Variants in UROC1 observed in about 807,000 individuals in gnomAD.
The protein encoded by UROC1 is urocanate hydratase.
A neutral mutation model predicts 89.5 loss-of-function variants in UROC1; 79 were observed. The observed-to-expected ratio is 0.88, with a 90% CI of 0.74 to 1.06. The LOEUF is 1.06. Ranked by LOEUF, UROC1 falls within the 50% of genes least tolerant of loss-of-function variation. UROC1 has a pLI of 0.00. For synonymous variants in UROC1, 361 were observed against 354.8 expected, an observed-to-expected ratio of 1.02 and a Z score of -0.20; for missense variants, 885 against 907.8, an observed-to-expected ratio of 0.97 and a Z score of 0.32.
chr3:126,482,093 G>A lies in UROC1; in HGVS notation c.*252C>T. 1.8e-6 allele frequency: 1 copy of A among 571,170 alleles called. No individual in the cohort carries two copies. The highest frequency in any genetic ancestry group is 3.1e-5 in the East Asian group (1 of 32,454). The allele number at this position is 571,170 out of a possible 1,614,324, so 35.4% of individuals were successfully genotyped here. A position where few individuals can be genotyped will look rare whatever the true frequency, so the allele number is the denominator to read the frequency against. On this transcript the variant is annotated 3_prime_UTR_variant, in exon 20 of 20. Coordinates refer to ENST00000290868, the MANE Select transcript of UROC1 (RefSeq NM_144639.3). ...GCAGGCTTGGGACTTGGCCCTAAAT[G>A]GACTTTGACAGCCTTCAGGGCTCCC...
In UROC1 at chr3:126,489,563, C is replaced by T. The variant is rs113983407; in HGVS notation, c.1609-188G>A. Among the ~76,000 whole-genome samples the T allele has an allele frequency of 3.1e-3, 474 of 152,318 alleles. 3 individuals carry two copies. Among genetic ancestry groups the T allele is most frequent in the African/African-American group, 0.011 (448 of 41,570 alleles). The stretch of plus-strand genomic sequence containing the variant: ...AGATTCACGTGTGCCCGGCAGCACT[C>T]GTGTGTAATACATGTGTGAGCTCAC... On this transcript the variant is annotated intron_variant, in intron 16 of 19. Coordinates refer to ENST00000290868, the MANE Select transcript of UROC1 (RefSeq NM_144639.3).
At chr3:126,494,129 C>T (rs1576715461) in intron 15 of UROC1, among the ~76,000 whole-genome samples, 2 of 152,174 alleles carry the variant, frequency 1.3e-5, no homozygotes, top group East Asian at 3.8e-4. Flanking sequence ...TAGGATTGCC[C>T]ACTTTGTCAA....
intron 13 of UROC1, among the ~76,000 whole-genome samples, chr3:126,498,568 A>T (rs1576719698): frequency 6.6e-6 from 1 of 151,968 alleles, no homozygotes; most frequent in African/African-American, 2.4e-5. Flanking sequence ...GCCAGGCTCC[A>T]GGACAGGGCT....
At chr3:126,502,085 T>C (rs1935936361) in intron 9 of UROC1, 16 of 851,380 alleles carry the variant, frequency 1.9e-5, no homozygotes, top group Non-Finnish European at 2.4e-5. Flanking sequence ...TGTGTGTTCA[T>C]GTGTGGATGT....
intron 9 of UROC1, among the ~76,000 whole-genome samples, 160 bp downstream of exon 9, chr3:126,503,835 G>A (rs985040596): frequency 4.6e-5 from 7 of 152,208 alleles, no homozygotes; most frequent in Non-Finnish European, 7.3e-5. Flanking sequence ...GTGTGTGTGC[G>A]CATGTATATG....
chr3:126,514,294 G>C (rs1936253679), intron 1 of UROC1, among the ~76,000 whole-genome samples: 1 of 152,350 alleles, frequency 6.6e-6, no homozygotes, highest in Admixed American at 6.5e-5. Flanking sequence ...CTTCGGATCT[G>C]CTGTTGGATG....
intron 16 of UROC1, among the ~76,000 whole-genome samples, chr3:126,490,428 T>G (rs1245296754): frequency 6.6e-6 from 1 of 152,176 alleles, no homozygotes; most frequent in Non-Finnish European, 1.5e-5. Flanking sequence ...GGCTCATTCT[T>G]GTAATCGTAA....
chr3:126,481,415 C>T lies in UROC1; in HGVS notation c.*930G>A, dbSNP rs535897317. ...GCAGGGAGGGTGGGGACCAAGAACC[C>T]GGCTTGGTCCTGGAGAGGGCAGTGG... On this transcript the variant is annotated 3_prime_UTR_variant, in exon 20 of 20. Transcript: ENST00000290868. 2 of 152,260 alleles carry T rather than the reference C, an allele frequency of 1.3e-5. No individual in the cohort carries two copies. Among genetic ancestry groups the T allele is most frequent in the South Asian group, 2.1e-4 (1 of 4,822 alleles). 9.4% of individuals were successfully genotyped at this position (152,260 alleles called of 1,614,324 possible). A position where few individuals can be genotyped will look rare whatever the true frequency, so the allele number is the denominator to read the frequency against.
chr3:126,488,948 C>T (rs73862714), intron 17 of UROC1, among the ~76,000 whole-genome samples: 21,622 of 152,016 alleles, frequency 0.14, 2,236 homozygotes, highest in African/African-American at 0.29. Flanking sequence ...TCTTGGTGCT[C>T]AGCTATGAAG....
In UROC1 at chr3:126,482,328, C is replaced by T. The variant is rs766082180; in HGVS notation, c.*17G>A. ...GCCAGGGAGGAAGGGAGGCAGGGGC[C>T]GCGACTCCTGGCTCCCTCAGAGCTG... On this transcript the variant is annotated 3_prime_UTR_variant, in exon 20 of 20. Coordinates refer to ENST00000290868, the MANE Select transcript of UROC1 (RefSeq NM_144639.3). 1.6e-5 allele frequency: 26 copies of T among 1,610,412 alleles called. No individual in the cohort carries two copies. The highest frequency in any genetic ancestry group is 8.0e-5 in the African/African-American group (6 of 74,838).
At chr3:126,511,282 C>G (rs1936191304) in intron 1 of UROC1, among the ~76,000 whole-genome samples, 1 of 152,166 alleles carries the variant, frequency 6.6e-6, no homozygotes, top group Non-Finnish European at 1.5e-5. Context: ...GGAAGCAATT[C>G]CTATGGCTAC....
At chr3:126,491,863 G>A (rs1935661350) in intron 16 of UROC1, among the ~76,000 whole-genome samples, 1 of 152,196 alleles carries the variant, frequency 6.6e-6, no homozygotes, top group African/African-American at 2.4e-5. Flanking sequence ...TCACACACAT[G>A]CTTTTTAGTC....
intron 3 of UROC1, 74 bp from the exon 4 acceptor site, chr3:126,508,549 G>A (rs865792030): frequency 2.3e-6 from 3 of 1,322,344 alleles, no homozygotes; most frequent in Middle Eastern, 1.8e-4. Context: ...GGAGAGAAAG[G>A]GCCCCCATCC....
In UROC1 at chr3:126,482,366, G is replaced by A; in HGVS notation, c.2010C>T (p.Leu670=). 1 of 1,613,490 alleles carries A rather than the reference G, an allele frequency of 6.2e-7. No homozygotes were observed. Among genetic ancestry groups the A allele is most frequent in the Non-Finnish European group, 8.5e-7 (1 of 1,179,912 alleles). ...TCCCTCAGAGCTGCAGGGCCTGCTG[G>A]AGCACCCGCTCGTCCTCCACCTTGT... ...LPHKVEDERV[L]QQALQL is the part of the protein sequence containing the mutation. The change falls in exon 20 of 20, where the codon CTC becomes CTT. Residue 670 remains leucine (L), a synonymous_variant. Transcript: ENST00000290868.
In UROC1 at chr3:126,488,218, G is replaced by A; in HGVS notation, c.1770C>T (p.His590=). The A allele has an allele frequency of 1.2e-6, 2 of 1,614,250 alleles. No homozygotes were observed. Among genetic ancestry groups the A allele is most frequent in the South Asian group, 2.2e-5 (2 of 91,090 alleles). Residue 590 remains histidine (H), a synonymous_variant, in exon 18 of 20, where the codon CAC becomes CAT. Transcript: ENST00000290868. ...CTTACCAGCCCACGCCCCCTCCGTT[G>A]TGAAGGGCGACCCAGGTGGCTCCGC... ...ACRGATWVAL[H]NGGGVGWGEV...
intron 18 of UROC1, among the ~76,000 whole-genome samples, chr3:126,485,279 C>T (rs775048659): frequency 3.9e-5 from 6 of 152,236 alleles, no homozygotes; most frequent in Non-Finnish European, 7.3e-5. Flanking sequence ...GCCTACAAGG[C>T]AGTTGTTATT....
At chr3:126,493,491 A>C (rs994936282) in intron 15 of UROC1, among the ~76,000 whole-genome samples, 1 of 152,260 alleles carries the variant, frequency 6.6e-6, no homozygotes, top group African/African-American at 2.4e-5. Context: ...CCCTGAAGAC[A>C]TTATGATAGG....
chr3:126,510,854 C>T, intron 1 of UROC1, 60 bp from the exon 2 acceptor site: 3 of 1,591,072 alleles, frequency 1.9e-6, no homozygotes, highest in Non-Finnish European at 1.7e-6. Flanking sequence ...TGTTCTGAGG[C>T]CCCGCGATGG....
chr3:126,495,187 C>T (rs1263794219), intron 15 of UROC1, among the ~76,000 whole-genome samples: 1 of 152,280 alleles, frequency 6.6e-6, no homozygotes, highest in Non-Finnish European at 1.5e-5. Flanking sequence ...TCCCCCTCTA[C>T]GTTTTAAATT....
Sources: allele counts gnomAD v4.1 joint callset (sites outside exome capture counted in the v4.1 genomes callset), GRCh38; gene constraint gnomAD v4.1.1; transcripts MANE v1.5; gene names NCBI Gene and HGNC (gene_info 2026-07-23, HGNC 2026-07-21).